AHR: variants seen among roughly 807,000 people sequenced by gnomAD.
The protein encoded by AHR is AH-receptor.
In AHR, 40 loss-of-function variants were observed where a neutral mutation model predicts 86.8. The ratio of observed to expected loss-of-function variants is 0.46; its 90% confidence interval spans 0.36 to 0.60. AHR has a LOEUF of 0.60. Among genes scored for constraint, AHR ranks in the 20% least tolerant of loss-of-function variants. The pLI, the probability that AHR is intolerant of heterozygous loss-of-function variation, is 0.00. For missense variants in AHR, 1,001 were observed against 1,011.6 expected, an observed-to-expected ratio of 0.99 and a Z score of 0.14; for synonymous variants, 398 against 354.9, an observed-to-expected ratio of 1.12 and a Z score of -1.37.
intron 3 of AHR, among the ~76,000 whole-genome samples, chr7:17,324,669 G>A (rs1782209581): frequency 1.3e-5 from 2 of 151,992 alleles, no homozygotes; most frequent in Admixed American, 1.3e-4. Context: ...GGGTGTGGTG[G>A]CGGGTGCCTG....
intron 2 of AHR, among the ~76,000 whole-genome samples, chr7:17,321,021 C>T (rs1444597905): frequency 6.6e-6 from 1 of 152,096 alleles, no homozygotes; most frequent in Non-Finnish European, 1.5e-5. Flanking sequence ...TGGAACTCTG[C>T]TCAGACTGAG....
At position 17,343,131 on chromosome 7, in the gene AHR, A is replaced by C. The variant is rs1055567959; in HGVS notation, c.*67A>C. ...TTTGTGAAGGATTATGGAAAAATAAAACTGTCACTGTTGGACGTCAGCAAG... is the reference window on the plus strand; with the variant it reads ...TTTGTGAAGGATTATGGAAAAATAACACTGTCACTGTTGGACGTCAGCAAG... On this transcript the variant is annotated 3_prime_UTR_variant, in exon 11 of 11. Coordinates refer to ENST00000242057, the MANE Select transcript of AHR (RefSeq NM_001621.5). 1.9e-6 allele frequency: 3 copies of C among 1,566,366 alleles called. No homozygotes were observed. In the African/African-American group the frequency reaches 4.1e-5, roughly 21 times the overall value.
intron 2 of AHR, among the ~76,000 whole-genome samples, chr7:17,312,298 T>A (rs1245463724): frequency 6.6e-6 from 1 of 152,232 alleles, no homozygotes; most frequent in Non-Finnish European, 1.5e-5. Context: ...CTTTATTGAC[T>A]TGAGTCATTT....
intron 4 of AHR, 37 bp from the exon 5 acceptor site, chr7:17,329,915 G>T (rs1257651851): frequency 6.4e-7 from 1 of 1,571,712 alleles, no homozygotes; most frequent in Admixed American, 1.8e-5. Context: ...TTTTTAATCA[G>T]TCCTTTTGTT....
At chr7:17,341,490 CTTCTTTGTAAATAACCAAATAA>C (rs1231570868) in intron 10 of AHR, among the ~76,000 whole-genome samples, 7 of 152,136 alleles carry the variant, frequency 4.6e-5, no homozygotes, top group Admixed American at 2.0e-4. Flanking sequence ...CTTTTCACTG[CTTCTTTGTAAATAACCAAATAA>C]TTCTATAGAC....
intron 1 of AHR, among the ~76,000 whole-genome samples, chr7:17,302,046 G>T (rs985199105): frequency 1.3e-5 from 2 of 151,832 alleles, no homozygotes; most frequent in African/African-American, 4.8e-5. Context: ...AGTCAAAAAG[G>T]CCATTATATA....
chr7:17,318,732 A>G (rs1272507582), intron 2 of AHR, among the ~76,000 whole-genome samples: 1 of 152,156 alleles, frequency 6.6e-6, no homozygotes, highest in African/African-American at 2.4e-5. Flanking sequence ...TATGCATATA[A>G]TTTATGTAAC....
rs770878878 is a variant in AHR, at chr7:17,344,513, A to G, written c.*1449A>G. ...CAACCACATAGTTCGTTTACCTTCA[A>G]ACTTTAGGTTTTTTTAATGATATAC... On this transcript the variant is annotated 3_prime_UTR_variant, in exon 11 of 11. Transcript: ENST00000242057. The G allele has an allele frequency of 2.6e-5, 4 of 152,566 alleles. No homozygotes were observed. The highest frequency in any genetic ancestry group is 6.5e-5 in the Admixed American group (1 of 15,268). The allele number at this position is 152,566 out of a possible 1,614,324, so 9.5% of individuals were successfully genotyped here.
At chr7:17,337,567 C>T (rs1032212157) in intron 9 of AHR, among the ~76,000 whole-genome samples, 5 of 150,698 alleles carry the variant, frequency 3.3e-5, no homozygotes, top group South Asian at 4.2e-4. Flanking sequence ...CTCCGCCACC[C>T]GGGTTCACGC....
intron 2 of AHR, among the ~76,000 whole-genome samples, chr7:17,317,990 T>C (rs1257004748): frequency 6.6e-6 from 1 of 151,960 alleles, no homozygotes; most frequent in Non-Finnish European, 1.5e-5. Flanking sequence ...TTAAACATCT[T>C]TGGAAGTCAG....
chr7:17,317,833 C>T (rs1000673807), intron 2 of AHR, among the ~76,000 whole-genome samples: 4 of 152,076 alleles, frequency 2.6e-5, no homozygotes, highest in Admixed American at 2.6e-4. Flanking sequence ...AAATACTACT[C>T]TTGTATATAT....
At chr7:17,322,466 C>T (rs1375861226) in intron 2 of AHR, 35 bp from the exon 3 acceptor site, 1 of 1,425,810 alleles carries the variant, frequency 7.0e-7, no homozygotes, top group South Asian at 1.2e-5. Context: ...CTCTTGCTTA[C>T]TTTTAAAATC....
At chr7:17,335,053 T>A in intron 8 of AHR, 57 bp downstream of exon 8, 1 of 1,273,558 alleles carries the variant, frequency 7.9e-7, no homozygotes, top group Non-Finnish European at 1.1e-6. Flanking sequence ...CTGTTGTACA[T>A]GTTTCAAATT....
chr7:17,341,664 A>T (rs539290478), intron 10 of AHR, among the ~76,000 whole-genome samples: 1 of 152,138 alleles, frequency 6.6e-6, no homozygotes, highest in Non-Finnish European at 1.5e-5. Context: ...GATTTTGAAG[A>T]CTTGGCTTGA....
At chr7:17,310,598 G>A (rs1782053677) in intron 2 of AHR, among the ~76,000 whole-genome samples, 1 of 149,326 alleles carries the variant, frequency 6.7e-6, no homozygotes, top group Non-Finnish European at 1.5e-5. Context: ...GCAATGACAC[G>A]ATCTTGGCTC....
At chr7:17,314,758 C>T (rs948091038) in intron 2 of AHR, among the ~76,000 whole-genome samples, 1 of 152,008 alleles carries the variant, frequency 6.6e-6, no homozygotes, top group Non-Finnish European at 1.5e-5. Context: ...ATTTGTATGT[C>T]TGCTTTTTCA....
At chr7:17,305,090 A>G (rs1185133951) in intron 1 of AHR, among the ~76,000 whole-genome samples, 1 of 152,144 alleles carries the variant, frequency 6.6e-6, no homozygotes, top group Non-Finnish European at 1.5e-5. Context: ...ACAAAAGGGA[A>G]AGGAAAGAAC....
chr7:17,337,172 CTT>C (rs1782362546), intron 9 of AHR, among the ~76,000 whole-genome samples: 1 of 151,882 alleles, frequency 6.6e-6, no homozygotes, highest in African/African-American at 2.4e-5. Flanking sequence ...TTATGATTGA[CTT>C]TTAGCTTAAT....
chr7:17,338,343 A>T (rs1009358536), intron 9 of AHR, among the ~76,000 whole-genome samples: 7 of 151,638 alleles, frequency 4.6e-5, no homozygotes, highest in African/African-American at 1.5e-4. Context: ...CTAATTCCTA[A>T]TTTTTTTATT....
Sources: gnomAD v4.1 joint callset for allele counts (sites outside exome capture counted in the v4.1 genomes callset) on GRCh38, gnomAD v4.1.1 for gene constraint, MANE v1.5 for transcripts, NCBI Gene and HGNC (gene_info 2026-07-23, HGNC 2026-07-21) for gene names.